NDUFAF4: variants seen among roughly 807,000 people sequenced by gnomAD.
The protein encoded by NDUFAF4 is NADH dehydrogenase [ubiquinone] 1 alpha subcomplex assembly factor 4.
A neutral mutation model predicts 15.6 loss-of-function variants in NDUFAF4; 10 were observed. That is an observed-to-expected ratio of 0.64 (90% confidence interval 0.40 to 1.09). The LOEUF is 1.09. Among genes scored for constraint, NDUFAF4 ranks in the 50% least tolerant of loss-of-function variants. NDUFAF4 has a pLI of 0.01. For missense variants in NDUFAF4, 203 were observed against 207.3 expected, an observed-to-expected ratio of 0.98 and a Z score of 0.13; for synonymous variants, 77 against 73.3, an observed-to-expected ratio of 1.05 and a Z score of -0.26.
At chr6:96,897,504 T>A (rs1474755159) in intron 1 of NDUFAF4, among the ~76,000 whole-genome samples, 162 bp downstream of exon 1, 1 of 151,714 alleles carries the variant, frequency 6.6e-6, no homozygotes, top group Admixed American at 6.6e-5. Context: ...AGTCTCAATG[T>A]CACCGGCCTG....
rs1456937215 is a variant in NDUFAF4, at chr6:96,896,851, A to G, written c.137-4T>C. ...TCTCCTTTAACTTCTGGATAGACTA[A>G]GGAAAGGAAAAAAGTCACAATATTA... is the stretch of plus-strand genomic sequence containing the variant. On this transcript the variant is annotated splice_polypyrimidine_tract_variant and splice_region_variant and intron_variant, in intron 1 of 2. Coordinates refer to ENST00000316149, the MANE Select transcript of NDUFAF4 (RefSeq NM_014165.4). The G allele has an allele frequency of 6.2e-7, 1 of 1,603,280 alleles. No individual in the cohort carries two copies. The highest frequency in any genetic ancestry group is 8.5e-7 in the Non-Finnish European group (1 of 1,170,548).
In NDUFAF4 at chr6:96,897,678, C is replaced by G. The variant is rs760369602; in HGVS notation, c.124G>C (p.Glu42Gln). Residue 42 changes from glutamate to glutamine, a missense_variant, in exon 1 of 3, where the codon GAG (glutamate) becomes CAG (glutamine). Physicochemically the swap from Glu to Gln is conservative, Grantham distance 29. Transcript: ENST00000316149. ...RHPSTNSLLREQISLYPEVKG... is the reference protein window; with the variant it reads ...RHPSTNSLLRQQISLYPEVKG... ...TCGCACCACTCACGACTAATCTGCT[C>G]TCGCAGGAGGCTGTTGGTAGAGGGG... 8 of 1,613,984 alleles carry G rather than the reference C, an allele frequency of 5.0e-6. No individual in the cohort carries two copies. The highest frequency in any genetic ancestry group is 6.8e-6 in the Non-Finnish European group (8 of 1,179,982).
chr6:96,897,677 T>C lies in NDUFAF4; in HGVS notation c.125A>G (p.Glu42Gly). The change falls in exon 1 of 3, where the codon GAG becomes GGG. Residue 42 changes from glutamate to glycine, a missense_variant. Transcript: ENST00000316149. ...RHPSTNSLLR[E>G]QISLYPEVKG... ...CTCGCACCACTCACGACTAATCTGC[T>C]CTCGCAGGAGGCTGTTGGTAGAGGG... 1 of 1,614,010 alleles carries C rather than the reference T, an allele frequency of 6.2e-7. No homozygotes were observed. The highest frequency in any genetic ancestry group is 8.5e-7 in the Non-Finnish European group (1 of 1,179,938).
At position 96,892,253 on chromosome 6, in the gene NDUFAF4, C is replaced by G. The variant is rs186236941; in HGVS notation, c.241-862G>C. 7.7e-4 allele frequency among the ~76,000 whole-genome samples: 117 copies of G among 152,246 alleles called. 4 individuals carry two copies. The East Asian group carries it at 0.019, about 25-fold the overall frequency. On this transcript the variant is annotated intron_variant, in intron 2 of 2. Coordinates refer to ENST00000316149, the MANE Select transcript of NDUFAF4 (RefSeq NM_014165.4). ...TCCCGAGAAAATAAACTAACGCCTC[C>G]AATACACTCCAGTATAAATAAAACA...
Position 96,889,853 on chromosome 6 carries a change from A to G in NDUFAF4, c.*1251T>C, listed in dbSNP as rs1775290708. 2 of 152,098 alleles carry G rather than the reference A, an allele frequency of 1.3e-5. No individual in the cohort carries two copies. The highest frequency in any genetic ancestry group is 2.9e-5 in the Non-Finnish European group (2 of 68,006). 9.4% of individuals were successfully genotyped at this position (152,098 alleles called of 1,614,324 possible). A position where few individuals can be genotyped will look rare whatever the true frequency, so the allele number is the denominator to read the frequency against. On this transcript the variant is annotated 3_prime_UTR_variant, in exon 3 of 3. Transcript: ENST00000316149. ...ACACTACTAGGATTTGAAAAACTAA[A>G]TTCTGGGCCTGTTTAAGTCATAAAC...
At chr6:96,893,783 A>G (rs1562145074) in intron 2 of NDUFAF4, among the ~76,000 whole-genome samples, 1 of 152,028 alleles carries the variant, frequency 6.6e-6, no homozygotes, top group Admixed American at 6.5e-5. Flanking sequence ...CAAACGTGAT[A>G]TAAGTATTTT....
At position 96,890,948 on chromosome 6, in the gene NDUFAF4, T is replaced by A; in HGVS notation, c.*156A>T. The A allele has an allele frequency of 2.9e-6, 2 of 680,608 alleles. No individual in the cohort carries two copies. The highest frequency in any genetic ancestry group is 4.8e-6 in the Non-Finnish European group (2 of 412,744). The allele number at this position is 680,608 out of a possible 1,614,324, so 42.2% of individuals were successfully genotyped here. A position where few individuals can be genotyped will look rare whatever the true frequency, so the allele number is the denominator to read the frequency against. On this transcript the variant is annotated 3_prime_UTR_variant, in exon 3 of 3. Transcript: ENST00000316149. ...TAAAACAAAAGATATTCTATGGCAA[T>A]CTTGAAAAGTCAGGGAGCTCAATAA...
At chr6:96,892,293 A>G (rs1775326164) in intron 2 of NDUFAF4, among the ~76,000 whole-genome samples, 1 of 152,022 alleles carries the variant, frequency 6.6e-6, no homozygotes, top group African/African-American at 2.4e-5. Context: ...ATGCACACCC[A>G]TCCTTCCATC....
At position 96,891,037 on chromosome 6, in the gene NDUFAF4, G is replaced by T; in HGVS notation, c.*67C>A. On this transcript the variant is annotated 3_prime_UTR_variant, in exon 3 of 3. Coordinates refer to ENST00000316149, the MANE Select transcript of NDUFAF4 (RefSeq NM_014165.4). ...TTTGGTAATTAACATAATTTATTAC[G>T]CAAAAAATGAGAAAATATACAGCAG... The T allele has an allele frequency of 1.4e-6, 2 of 1,411,230 alleles. No individual in the cohort carries two copies. The highest frequency in any genetic ancestry group is 2.0e-6 in the Non-Finnish European group (2 of 1,012,150). The allele number at this position is 1,411,230 out of a possible 1,614,324, so 87.4% of individuals were successfully genotyped here.
In NDUFAF4 at chr6:96,896,852, G is replaced by C; in HGVS notation, c.137-5C>G. ...CTCCTTTAACTTCTGGATAGACTAA[G>C]GAAAGGAAAAAAGTCACAATATTAA... On this transcript the variant is annotated splice_polypyrimidine_tract_variant and splice_region_variant and intron_variant, in intron 1 of 2. Transcript: ENST00000316149. 6.2e-7 allele frequency: 1 copy of C among 1,603,066 alleles called. No homozygotes were observed. The highest frequency in any genetic ancestry group is 1.1e-5 in the South Asian group (1 of 90,788).
At chr6:96,896,551 G>A (rs189760346) in intron 2 of NDUFAF4, among the ~76,000 whole-genome samples, 193 bp downstream of exon 2, 5 of 152,300 alleles carry the variant, frequency 3.3e-5, no homozygotes, top group Non-Finnish European at 1.5e-5. Context: ...TAGAATTCTG[G>A]TAAATATCCA....
chr6:96,896,363 G>A (rs576084745), intron 2 of NDUFAF4, among the ~76,000 whole-genome samples: 55 of 152,202 alleles, frequency 3.6e-4, no homozygotes, highest in African/African-American at 1.2e-3. Context: ...TACTAAAGGA[G>A]TCTCTGAGAT....
Position 96,891,677 on chromosome 6 carries a change from C to T in NDUFAF4, c.241-286G>A, listed in dbSNP as rs532317014. ...AGTGTGTAGCACCTCCCCCACACCC[C>T]GCTTCTGCTTGCTCTGGCAATATAA... is the stretch of plus-strand genomic sequence containing the variant. On this transcript the variant is annotated intron_variant, in intron 2 of 2. Coordinates refer to ENST00000316149, the MANE Select transcript of NDUFAF4 (RefSeq NM_014165.4). Among the ~76,000 whole-genome samples, 10 of 151,878 alleles carry T rather than the reference C, an allele frequency of 6.6e-5. No individual in the cohort carries two copies. In the East Asian group the frequency reaches 1.8e-3, roughly 27 times the overall value.
At chr6:96,892,249 C>T (rs1036013495) in intron 2 of NDUFAF4, among the ~76,000 whole-genome samples, 4 of 152,116 alleles carry the variant, frequency 2.6e-5, no homozygotes, top group African/African-American at 4.8e-5. Context: ...TAAACTAACG[C>T]CTCCAATACA....
rs545462019 is a variant in NDUFAF4, at chr6:96,891,968, A to G, written c.241-577T>C. Among the ~76,000 whole-genome samples, 10 of 152,278 alleles carry G rather than the reference A, an allele frequency of 6.6e-5. 1 individual carries two copies. In the South Asian group the frequency reaches 8.3e-4, roughly 13 times the overall value. On this transcript the variant is annotated intron_variant, in intron 2 of 2. Coordinates refer to ENST00000316149, the MANE Select transcript of NDUFAF4 (RefSeq NM_014165.4). ...TTTGCCACATTGCCTTTTCATAACTATAGCTCTATCATTAAGAAATGTAGG... is the reference window on the plus strand; with the variant it reads ...TTTGCCACATTGCCTTTTCATAACTGTAGCTCTATCATTAAGAAATGTAGG...
chr6:96,895,107 T>C (rs1775355636), intron 2 of NDUFAF4, among the ~76,000 whole-genome samples: 1 of 152,136 alleles, frequency 6.6e-6, no homozygotes, highest in African/African-American at 2.4e-5. Context: ...CAAATTATAT[T>C]TACACAACAA....
At chr6:96,896,908 A>T in intron 1 of NDUFAF4, 61 bp from the exon 2 acceptor site, 1 of 1,151,388 alleles carries the variant, frequency 8.7e-7, no homozygotes, top group African/African-American at 1.5e-5. Flanking sequence ...AATATCCTAA[A>T]CGCTTAACAC....
rs2127973824 is a variant in NDUFAF4 at position 96,889,445 on chromosome 6, T to C, written c.*1659A>G. 1 of 152,304 alleles carries C rather than the reference T, an allele frequency of 6.6e-6. No homozygotes were observed. The highest frequency in any genetic ancestry group is 2.4e-5 in the African/African-American group (1 of 41,562). 9.4% of individuals were successfully genotyped at this position (152,304 alleles called of 1,614,324 possible). A position where few individuals can be genotyped will look rare whatever the true frequency, so the allele number is the denominator to read the frequency against. Reference sequence around the variant, plus strand: ...GTATTTGTGACTCAGCTAGTGACCATTATGATAAAAAGAATAAAGTTTTGA... The same window carrying C: ...GTATTTGTGACTCAGCTAGTGACCACTATGATAAAAAGAATAAAGTTTTGA... On this transcript the variant is annotated 3_prime_UTR_variant, in exon 3 of 3. Coordinates refer to ENST00000316149, the MANE Select transcript of NDUFAF4 (RefSeq NM_014165.4).
At position 96,897,709 on chromosome 6, in the gene NDUFAF4, G is replaced by A. The variant is rs144627695; in HGVS notation, c.93C>T (p.Pro31=). 6.2e-7 allele frequency: 1 copy of A among 1,614,086 alleles called. No homozygotes were observed. Among genetic ancestry groups the A allele is most frequent in the African/African-American group, 1.3e-5 (1 of 74,948 alleles). The stretch of plus-strand genomic sequence containing the variant: ...GGAGGCTGTTGGTAGAGGGGTGTCT[G>A]GGAGCGACAGAGGGCTTCATCTTGC... ...EISKMKPSVA[P]RHPSTNSLLR... is the part of the protein sequence containing the mutation. Residue 31 remains proline (P), a synonymous_variant, in exon 1 of 3, where the codon CCC becomes CCT. Coordinates refer to ENST00000316149, the MANE Select transcript of NDUFAF4 (RefSeq NM_014165.4).
Sources: gnomAD v4.1 joint callset for allele counts (sites outside exome capture counted in the v4.1 genomes callset) on GRCh38, gnomAD v4.1.1 for gene constraint, MANE v1.5 for transcripts, NCBI Gene and HGNC (gene_info 2026-07-23, HGNC 2026-07-21) for gene names.